Variants in EYA2 observed in about 807,000 individuals in gnomAD.
The protein encoded by EYA2 is protein phosphatase EYA2.
EYA2 carries 31 observed loss-of-function variants against 69.2 expected under a neutral mutation model. The observed-to-expected ratio is 0.45, with a 90% CI of 0.34 to 0.60. EYA2 has a LOEUF of 0.60. Among genes scored for constraint, EYA2 ranks in the 20% least tolerant of loss-of-function variants. The pLI is 0.02. For synonymous variants in EYA2, 257 were observed against 279.4 expected (o/e 0.92, Z 0.80); for missense variants, 622 against 701.2 (o/e 0.89, Z 1.28).
intron 7 of EYA2, among the ~76,000 whole-genome samples, chr20:47,075,222 C>T (rs529594087): frequency 1.8e-4 from 28 of 152,222 alleles, no homozygotes; most frequent in Non-Finnish European, 4.0e-4. Context: ...ATTTGGTAAG[C>T]TCCCACTGCA....
chr20:46,897,115 T>C (rs1003609662), intron 1 of EYA2, among the ~76,000 whole-genome samples: 8 of 152,242 alleles, frequency 5.3e-5, no homozygotes, highest in South Asian at 2.1e-4. Context: ...TGACTTGTTA[T>C]AGGATTACCA....
chr20:47,156,121 CACACACATAT>C (rs1568814108), intron 10 of EYA2, among the ~76,000 whole-genome samples: 1 of 24,376 alleles, frequency 4.1e-5, no homozygotes, highest in Non-Finnish European at 6.0e-5. Context: ...CACACACACA[CACACACATAT>C]ATATATATAT....
intron 9 of EYA2, among the ~76,000 whole-genome samples, chr20:47,100,513 G>T (rs995329111): frequency 6.6e-6 from 1 of 152,154 alleles, no homozygotes; most frequent in Non-Finnish European, 1.5e-5. Flanking sequence ...ATTAGAGCTG[G>T]AAGGACTTGA....
At chr20:46,985,986 T>C (rs1177401996) in intron 1 of EYA2, among the ~76,000 whole-genome samples, 1 of 152,176 alleles carries the variant, frequency 6.6e-6, no homozygotes, top group Admixed American at 6.5e-5. Context: ...TTAACCTCAT[T>C]GTTTATTTTT....
intron 1 of EYA2, among the ~76,000 whole-genome samples, chr20:46,951,476 C>G (rs1978788292): frequency 6.6e-6 from 1 of 152,298 alleles, no homozygotes; most frequent in East Asian, 1.9e-4. Context: ...CAACTAAACT[C>G]TGGTTGATAC....
At chr20:46,950,725 C>T (rs1280617267) in intron 1 of EYA2, among the ~76,000 whole-genome samples, 1 of 152,130 alleles carries the variant, frequency 6.6e-6, no homozygotes, top group Non-Finnish European at 1.5e-5. Context: ...AGCAGAGGCC[C>T]CAGCGAGCAG....
At chr20:46,954,952 C>G (rs991377627) in intron 1 of EYA2, among the ~76,000 whole-genome samples, 1 of 152,174 alleles carries the variant, frequency 6.6e-6, no homozygotes, top group Non-Finnish European at 1.5e-5. Context: ...GAAGCACTAT[C>G]AGTATCTTTG....
At chr20:47,073,276 G>A (rs1374620225) in intron 6 of EYA2, among the ~76,000 whole-genome samples, 2 of 152,142 alleles carry the variant, frequency 1.3e-5, no homozygotes, top group African/African-American at 4.8e-5. Context: ...TTGGAGAATT[G>A]GGATCGCTGG....
intron 7 of EYA2, among the ~76,000 whole-genome samples, chr20:47,079,536 A>C (rs2031641942): frequency 6.6e-6 from 1 of 152,222 alleles, no homozygotes; most frequent in Admixed American, 6.5e-5. Flanking sequence ...GGGCCCACTC[A>C]GAGAATCCAG....
At chr20:47,141,405 T>C (rs1275890494) in intron 9 of EYA2, among the ~76,000 whole-genome samples, 1 of 152,230 alleles carries the variant, frequency 6.6e-6, no homozygotes, top group Non-Finnish European at 1.5e-5. Context: ...TCAGCAATTC[T>C]GATTTTATTG....
chr20:47,127,160 A>G (rs2033213155), intron 9 of EYA2, among the ~76,000 whole-genome samples: 1 of 152,182 alleles, frequency 6.6e-6, no homozygotes, highest in Admixed American at 6.5e-5. Flanking sequence ...CCAGGCCACC[A>G]GAAATTCTTC....
In EYA2 at chr20:47,064,097, A is replaced by C. The variant is rs2031015787; in HGVS notation, c.416-8088A>C. ...CAGCCTCCAGAAGAGCTGGGACTACAAGCATGCATCACCATGCCCGGTTAA... is the reference window on the plus strand; with the variant it reads ...CAGCCTCCAGAAGAGCTGGGACTACCAGCATGCATCACCATGCCCGGTTAA... On this transcript the variant is annotated intron_variant, in intron 5 of 15. Transcript: ENST00000327619. Among the ~76,000 whole-genome samples the C allele has an allele frequency of 2.0e-5, 3 of 152,266 alleles. No individual in the cohort carries two copies. In the South Asian group the frequency reaches 6.2e-4, roughly 32 times the overall value.
At chr20:46,932,648 G>A (rs1985721412) in intron 1 of EYA2, among the ~76,000 whole-genome samples, 1 of 152,138 alleles carries the variant, frequency 6.6e-6, no homozygotes, top group African/African-American at 2.4e-5. Flanking sequence ...TTTGGGAGGC[G>A]GAGGTGGGTG....
intron 5 of EYA2, among the ~76,000 whole-genome samples, chr20:47,062,037 G>A (rs1019346779): frequency 5.3e-5 from 8 of 152,098 alleles, no homozygotes; most frequent in Admixed American, 3.9e-4. Context: ...GGACTGTCTG[G>A]GAGGAAGAAT....
intron 5 of EYA2, among the ~76,000 whole-genome samples, chr20:47,023,814 A>G (rs1403618396): frequency 1.3e-5 from 2 of 151,548 alleles, no homozygotes; most frequent in Admixed American, 1.3e-4. Context: ...ATTTTTGTAT[A>G]TTAAGTGGAG....
At chr20:47,003,627 G>GA (rs1050276971) in intron 3 of EYA2, among the ~76,000 whole-genome samples, 4 of 151,992 alleles carry the variant, frequency 2.6e-5, no homozygotes, top group Non-Finnish European at 4.4e-5. Context: ...TTCAAATTAG[G>GA]AAAAAAAATA....
intron 1 of EYA2, among the ~76,000 whole-genome samples, chr20:46,967,783 G>A (rs1327736738): frequency 6.6e-6 from 1 of 152,202 alleles, no homozygotes; most frequent in Non-Finnish European, 1.5e-5. Flanking sequence ...ATGACAATTG[G>A]CACTTGGAGA....
At chr20:47,047,399 T>TTTTTTTTTTC (rs1487487965) in intron 5 of EYA2, among the ~76,000 whole-genome samples, 2 of 152,044 alleles carry the variant, frequency 1.3e-5, no homozygotes, top group African/African-American at 4.8e-5. Context: ...TCTCTCTCTT[T>TTTTTTTTTTC]TTTTTGAGAC....
At chr20:47,153,769 A>T (rs1318898737) in intron 10 of EYA2, among the ~76,000 whole-genome samples, 2 of 151,990 alleles carry the variant, frequency 1.3e-5, no homozygotes, top group African/African-American at 4.8e-5. Context: ...ATCCACTAAG[A>T]GGCCTGGCAC....
Sources: gnomAD v4.1 joint callset for allele counts (sites outside exome capture counted in the v4.1 genomes callset) on GRCh38, gnomAD v4.1.1 for gene constraint, MANE v1.5 for transcripts, NCBI Gene and HGNC (gene_info 2026-07-23, HGNC 2026-07-21) for gene names.